The following SNCG variants were observed in gnomAD, a reference collection of about 807,000 sequenced individuals.
SNCG encodes synuclein gamma, also known as gamma-synuclein.
A neutral mutation model predicts 16.0 loss-of-function variants in SNCG; 13 were observed. The ratio of observed to expected loss-of-function variants is 0.81; its 90% CI spans 0.53 to 1.29. SNCG has a LOEUF of 1.29. SNCG is among the 50% of genes most tolerant of loss of function. SNCG has a pLI of 0.00. For missense variants in SNCG, 154 were observed against 168.5 expected (o/e 0.91, Z 0.48); for synonymous variants, 66 against 66.3 (o/e 1.00, Z 0.02).
chr10:86,962,761 C>G (rs1167493289), intron 4 of SNCG, 86 bp downstream of exon 4: 19 of 1,263,818 alleles, frequency 1.5e-5, no homozygotes, highest in Non-Finnish European at 2.1e-5. Context: ...CCCTCCTGGG[C>G]TCCCAGGGCC....
Position 86,959,679 on chromosome 10 carries a change from G to A in SNCG, c.163+5G>A, listed in dbSNP as rs985427315. The A allele has an allele frequency of 6.2e-7, 1 of 1,607,428 alleles. No homozygotes were observed. The highest frequency in any genetic ancestry group is 2.2e-5 in the East Asian group (1 of 44,836). ...TTGTACAGAGCGTGACCTCAGGTGA[G>A]AAGCCCCAGGGCCAGGGGACACATG... On this transcript the variant is annotated splice_donor_5th_base_variant and intron_variant, in intron 2 of 4. Coordinates refer to ENST00000372017, the MANE Select transcript of SNCG (RefSeq NM_003087.3). The surrounding 1 kb of genome is among the most constrained non-coding windows in gnomAD (Gnocchi z 4.3).
Position 86,959,147 on chromosome 10 carries a change from T to C in SNCG, c.121+329T>C, listed in dbSNP as rs1844292361. Among the ~76,000 whole-genome samples the C allele has an allele frequency of 1.3e-5, 2 of 152,090 alleles. No individual in the cohort carries two copies. The highest frequency in any genetic ancestry group is 4.1e-4 in the South Asian group (2 of 4,834). On this transcript the variant is annotated intron_variant, in intron 1 of 4. Coordinates refer to ENST00000372017, the MANE Select transcript of SNCG (RefSeq NM_003087.3). The surrounding 1 kb of genome is among the most constrained non-coding windows in gnomAD (Gnocchi z 4.3). ...AAGCCATGAGCAGCCTGTGCTCAGG[T>C]GGCCCCCACCCTCTCCACACGGGAG...
rs1844308679 is a variant in SNCG at position 86,959,794 on chromosome 10, C to T, written c.163+120C>T. 3.3e-6 allele frequency: 4 copies of T among 1,223,442 alleles called. No individual in the cohort carries two copies. Among genetic ancestry groups the T allele is most frequent in the Non-Finnish European group, 3.4e-6 (3 of 885,630 alleles). The allele number at this position is 1,223,442 out of a possible 1,614,324, so 75.8% of individuals were successfully genotyped here. On this transcript the variant is annotated intron_variant, in intron 2 of 4. Transcript: ENST00000372017. The surrounding 1 kb of genome is among the most constrained non-coding windows in gnomAD (Gnocchi z 4.3). ...CCCCCAACTGGGGTCCCAAGCCCTA[C>T]AGACCCCTGCAGACCATGAGGCTAA...
In SNCG at chr10:86,960,101, C is replaced by G. The variant is rs996767402; in HGVS notation, c.264C>G (p.Ile88Met). ...AGACCGTGGAGGAGGCGGAGAACATCGCGGTCACCTCCGGGGTGGTGCGCA... is the reference window on the plus strand; with the variant it reads ...AGACCGTGGAGGAGGCGGAGAACATGGCGGTCACCTCCGGGGTGGTGCGCA... ...ATKTVEEAEN[I>M]AVTSGVVRKE... The change falls in exon 3 of 5, where the codon ATC becomes ATG. Residue 88 changes from isoleucine (I) to methionine (M), a missense_variant. Physicochemically the swap from Ile to Met is conservative, Grantham distance 10. Transcript: ENST00000372017. The G allele has an allele frequency of 6.2e-7, 1 of 1,613,174 alleles. No homozygotes were observed. The highest frequency in any genetic ancestry group is 8.5e-7 in the Non-Finnish European group (1 of 1,179,802).
upstream of SNCG, chr10:86,957,795 G>A (rs780878785): frequency 2.2e-5 from 29 of 1,295,820 alleles, no homozygotes; most frequent in Middle Eastern, 2.9e-4. Flanking sequence ...CTCTGGGAAT[G>A]TGGTAGACAT....
intron 4 of SNCG, 91 bp downstream of exon 4, chr10:86,962,766 AGGG>A (rs1844379011): frequency 8.2e-7 from 1 of 1,213,620 alleles, no homozygotes; most frequent in African/African-American, 1.5e-5. Flanking sequence ...CTGGGCTCCC[AGGG>A]CCCAGAGGGG....
At position 86,962,659 on chromosome 10, in the gene SNCG, AG is replaced by A. The variant is rs777327314; in HGVS notation, c.349del (p.Glu117LysfsTer42). ...GAGGGTGAGGCATCCAAAGAGAAAGAGGAAGTGGCAGAGGAGGTAGGAGCTG... is the reference window on the plus strand; with the variant it reads ...GAGGGTGAGGCATCCAAAGAGAAAGAGAAGTGGCAGAGGAGGTAGGAGCTG... ...QQEGEASKEK[E>X]EVAEEAQSGG... is the part of the protein sequence containing the mutation. On this transcript the variant is annotated frameshift_variant, in exon 4 of 5. Transcript: ENST00000372017. LOFTEE classifies it high-confidence loss of function. 7.4e-6 allele frequency: 12 copies of A among 1,612,490 alleles called. No homozygotes were observed. The South Asian group carries it at 1.3e-4, about 18-fold the overall frequency.
At position 86,959,476 on chromosome 10, in the gene SNCG, A is replaced by C. The variant is rs985396440; in HGVS notation, c.122-157A>C. On this transcript the variant is annotated intron_variant, in intron 1 of 4. Transcript: ENST00000372017. This position sits in a 1 kb window ranked among gnomAD's most constrained non-coding sequence, Gnocchi z 4.3. ...CCATCCATCCACTTCTTCCAGACAC[A>C]GCAGGAAGAGGCCCTCTGAAGGGGC... is the stretch of plus-strand genomic sequence containing the variant. The C allele has an allele frequency of 1.4e-5, 9 of 664,982 alleles. No individual in the cohort carries two copies. The South Asian group carries it at 1.5e-4, about 11-fold the overall frequency. The allele number at this position is 664,982 out of a possible 1,614,324, so 41.2% of individuals were successfully genotyped here. A position where few individuals can be genotyped will look rare whatever the true frequency, so the allele number is the denominator to read the frequency against.
At position 86,958,637 on chromosome 10, in the gene SNCG, G is replaced by A. The variant is rs545915910; in HGVS notation, c.-61G>A. ...GCAGCACTCGAGCCAGCTCAAGCCC[G>A]CAGCTCGCAGGGAGATCCAGCTCCG... On this transcript the variant is annotated 5_prime_UTR_variant, in exon 1 of 5. Coordinates refer to ENST00000372017, the MANE Select transcript of SNCG (RefSeq NM_003087.3). The A allele has an allele frequency of 1.0e-5, 16 of 1,608,002 alleles. No homozygotes were observed. In the East Asian group the frequency reaches 1.3e-4, roughly 14 times the overall value.
rs1844294184 is a variant in SNCG at position 86,959,220 on chromosome 10, C to A, written c.121+402C>A. On this transcript the variant is annotated intron_variant, in intron 1 of 4. Coordinates refer to ENST00000372017, the MANE Select transcript of SNCG (RefSeq NM_003087.3). The surrounding 1 kb of genome is among the most constrained non-coding windows in gnomAD (Gnocchi z 4.3). ...CCCCTCCCTCCCCAGAGAGAAGGGG[C>A]AGGCTGGGGGATGAAACCTAGGCTC... 6.6e-6 allele frequency among the ~76,000 whole-genome samples: 1 copy of A among 152,172 alleles called. No individual in the cohort carries two copies. Among genetic ancestry groups the A allele is most frequent in the South Asian group, 2.1e-4 (1 of 4,830 alleles).
chr10:86,957,500 G>A, upstream of SNCG: 1 of 1,612,948 alleles, frequency 6.2e-7, no homozygotes, highest in Middle Eastern at 1.7e-4. Flanking sequence ...GCAGCCCCCA[G>A]CCCAGGGGGC....
At chr10:86,957,622 A>G (rs969392857), upstream of SNCG, 50 of 1,480,756 alleles carry the variant, frequency 3.4e-5, no homozygotes, top group African/African-American at 4.2e-5. Flanking sequence ...TCTTCAAGTT[A>G]AATCTCAGGA....
chr10:86,957,362 G>C, upstream of SNCG: 1 of 1,612,256 alleles, frequency 6.2e-7, no homozygotes, highest in Non-Finnish European at 8.5e-7. Context: ...CTCTGCCAAG[G>C]TCCAGGCCCT....
chr10:86,959,347 T>C lies in SNCG; in HGVS notation c.122-286T>C. On this transcript the variant is annotated intron_variant, in intron 1 of 4. Coordinates refer to ENST00000372017, the MANE Select transcript of SNCG (RefSeq NM_003087.3). The surrounding 1 kb of genome is among the most constrained non-coding windows in gnomAD (Gnocchi z 4.3). ...GCCCATCCTGTCCTGTTGCTGCTTC[T>C]GAGGCCCGGCCACACCCGGGCAGGG... is the stretch of plus-strand genomic sequence containing the variant. 1.8e-6 allele frequency: 1 copy of C among 556,184 alleles called. No homozygotes were observed. The highest frequency in any genetic ancestry group is 3.2e-6 in the Non-Finnish European group (1 of 314,064). The allele number at this position is 556,184 out of a possible 1,614,324, so 34.5% of individuals were successfully genotyped here.
At chr10:86,958,453 G>C (rs1227446426), upstream of SNCG, 37 of 985,276 alleles carry the variant, frequency 3.8e-5, no homozygotes, top group Non-Finnish European at 3.9e-5. Flanking sequence ...AGGGAGCCTG[G>C]TCTCTGCCTT....
At chr10:86,962,821 G>C in intron 4 of SNCG, 144 bp from the exon 5 acceptor site, 1 of 1,164,838 alleles carries the variant, frequency 8.6e-7, no homozygotes, top group Non-Finnish European at 1.2e-6. Context: ...TGTGTACAGG[G>C]CTAACCCTGA....
At position 86,958,791 on chromosome 10, in the gene SNCG, A is replaced by G. The variant is rs1340519911; in HGVS notation, c.94A>G (p.Lys32Glu). 5.6e-6 allele frequency: 9 copies of G among 1,612,088 alleles called. No individual in the cohort carries two copies. The highest frequency in any genetic ancestry group is 7.6e-6 in the Non-Finnish European group (9 of 1,179,082). ...TKQGVTEAAEKTKEGVMYVGA... is the reference protein window; with the variant it reads ...TKQGVTEAAEETKEGVMYVGA... ...GCAGGGGGTGACGGAAGCAGCTGAG[A>G]AGACCAAGGAGGGGGTCATGTATGT... The change falls in exon 1 of 5, where the codon AAG becomes GAG. Residue 32 changes from lysine (K) to glutamate (E), a missense_variant. Coordinates refer to ENST00000372017, the MANE Select transcript of SNCG (RefSeq NM_003087.3).
chr10:86,960,019 A>G lies in SNCG; in HGVS notation c.182A>G (p.Glu61Gly). The change falls in exon 3 of 5, where the codon GAG becomes GGG. Residue 61 changes from glutamate to glycine, a missense_variant. Coordinates refer to ENST00000372017, the MANE Select transcript of SNCG (RefSeq NM_003087.3). ...CCCATAGTGGCCGAGAAGACCAAGGAGCAGGCCAACGCCGTGAGCGAGGCT... is the reference window on the plus strand; with the variant it reads ...CCCATAGTGGCCGAGAAGACCAAGGGGCAGGCCAACGCCGTGAGCGAGGCT... ...SVTSVAEKTK[E>G]QANAVSEAVV... is the part of the protein sequence containing the mutation. 6.2e-7 allele frequency: 1 copy of G among 1,605,440 alleles called. No individual in the cohort carries two copies. Among genetic ancestry groups the G allele is most frequent in the African/African-American group, 1.3e-5 (1 of 74,956 alleles).
intron 3 of SNCG, among the ~76,000 whole-genome samples, chr10:86,960,648 C>T (rs1425603288): frequency 1.3e-5 from 2 of 152,152 alleles, no homozygotes; most frequent in African/African-American, 2.4e-5. Context: ...CTGCAGCTGC[C>T]TTTGTGTGTG....
Sources: gnomAD v4.1 joint callset for allele counts (sites outside exome capture counted in the v4.1 genomes callset) on GRCh38, gnomAD v4.1.1 for gene constraint, Gnocchi (gnomAD v3.1) non-coding constraint, MANE v1.5 for transcripts, NCBI Gene and HGNC (gene_info 2026-07-23, HGNC 2026-07-21) for gene names.